Variants in BNC2 observed in about 807,000 individuals in gnomAD.
BNC2 encodes zinc finger protein basonuclin-2.
Under a neutral mutation model 76.3 loss-of-function variants are expected in BNC2, and 20 were observed. The ratio of observed to expected loss-of-function variants is 0.26; its 90% CI spans 0.18 to 0.38. BNC2 has a LOEUF of 0.38. Ranked by LOEUF, BNC2 falls within the 10% of genes least tolerant of loss-of-function variation. BNC2 has a pLI of 1.00. For missense variants in BNC2, 1,382 were observed against 1,399.8 expected, an observed-to-expected ratio of 0.99 and a Z score of 0.20; for synonymous variants, 582 against 514.8, an observed-to-expected ratio of 1.13 and a Z score of -1.77.
intron 5 of BNC2, among the ~76,000 whole-genome samples, chr9:16,442,138 G>C (rs1405264263): frequency 1.3e-5 from 2 of 152,086 alleles, no homozygotes; most frequent in African/African-American, 2.4e-5. Flanking sequence ...ACAAAATGAG[G>C]ATAATAAGAT....
chr9:16,492,660 C>T (rs184380636), intron 5 of BNC2, among the ~76,000 whole-genome samples: 18 of 151,636 alleles, frequency 1.2e-4, no homozygotes, highest in African/African-American at 4.3e-4. Context: ...TTTAGGAATA[C>T]AGGTTATGCA....
intron 3 of BNC2, among the ~76,000 whole-genome samples, chr9:16,649,403 A>G (rs1821730441): frequency 6.6e-6 from 1 of 152,220 alleles, no homozygotes; most frequent in Non-Finnish European, 1.5e-5. Flanking sequence ...AGGGAGAATC[A>G]AGTCCACTGG....
intron 5 of BNC2, among the ~76,000 whole-genome samples, chr9:16,461,782 G>C (rs1421976697): frequency 6.6e-6 from 1 of 152,248 alleles, no homozygotes; most frequent in South Asian, 2.1e-4. Context: ...CTGTGTCAGG[G>C]ACTCACAACC....
chr9:16,819,201 G>C (rs371221611), intron 1 of BNC2, among the ~76,000 whole-genome samples: 88 of 152,172 alleles, frequency 5.8e-4, no homozygotes, highest in African/African-American at 2.0e-3. Context: ...GCAAATAGTA[G>C]AGATGGTATT....
At position 16,421,810 on chromosome 9, in the gene BNC2, T is replaced by C. The variant is rs16934629; in HGVS notation, c.2640-2161A>G. Among the ~76,000 whole-genome samples the C allele has an allele frequency of 2.8e-4, 42 of 152,342 alleles. No individual in the cohort carries two copies. The East Asian group carries it at 4.8e-3, about 17-fold the overall frequency. On this transcript the variant is annotated intron_variant, in intron 6 of 6. Coordinates refer to ENST00000380672, the MANE Select transcript of BNC2 (RefSeq NM_017637.6). ...GGAAGTAGAGTTACGCTATGCGCTATTATTCTATTGATAAAACTATCTGCC... is the reference window on the plus strand; with the variant it reads ...GGAAGTAGAGTTACGCTATGCGCTACTATTCTATTGATAAAACTATCTGCC...
intron 1 of BNC2, among the ~76,000 whole-genome samples, chr9:16,835,442 T>C (rs2136052526): frequency 6.6e-6 from 1 of 152,322 alleles, no homozygotes; most frequent in African/African-American, 2.4e-5. Context: ...CTCATGCCTG[T>C]AATCCCAGCA....
intron 6 of BNC2, among the ~76,000 whole-genome samples, chr9:16,433,495 T>C (rs1384050087): frequency 1.3e-5 from 2 of 152,024 alleles, no homozygotes; most frequent in Non-Finnish European, 2.9e-5. Context: ...TAGACGCGGG[T>C]CTAAACGTAT....
At chr9:16,584,377 A>G (rs573263771) in intron 3 of BNC2, among the ~76,000 whole-genome samples, 2 of 152,232 alleles carry the variant, frequency 1.3e-5, no homozygotes, top group South Asian at 4.1e-4. Flanking sequence ...TTCACAGAGA[A>G]TAAGACTGAG....
At chr9:16,723,647 A>G (rs1419610498) in intron 3 of BNC2, among the ~76,000 whole-genome samples, 1 of 152,086 alleles carries the variant, frequency 6.6e-6, no homozygotes, top group East Asian at 1.9e-4. Context: ...GTTATTATAC[A>G]TTTCTTATAT....
At chr9:16,590,742 G>C (rs1251615988) in intron 3 of BNC2, among the ~76,000 whole-genome samples, 3 of 152,054 alleles carry the variant, frequency 2.0e-5, no homozygotes, top group Non-Finnish European at 4.4e-5. Flanking sequence ...CAGAGGTCAA[G>C]GATGCAGTAA....
chr9:16,439,312 G>A (rs901159791), intron 5 of BNC2, among the ~76,000 whole-genome samples: 2 of 151,976 alleles, frequency 1.3e-5, no homozygotes, highest in Admixed American at 1.3e-4. Flanking sequence ...CAAAATTGAG[G>A]GGCATTCTAC....
At chr9:16,739,743 G>C (rs1362551631) in intron 1 of BNC2, among the ~76,000 whole-genome samples, 1 of 152,090 alleles carries the variant, frequency 6.6e-6, no homozygotes, top group Non-Finnish European at 1.5e-5. Flanking sequence ...ACAAGATACA[G>C]AAGATACTGT....
At chr9:16,614,047 C>T (rs1462688577) in intron 3 of BNC2, among the ~76,000 whole-genome samples, 1 of 152,148 alleles carries the variant, frequency 6.6e-6, no homozygotes, top group African/African-American at 2.4e-5. Flanking sequence ...CCTAATGAAA[C>T]AAGGCTCAAA....
At chr9:16,525,812 T>C (rs1817782171) in intron 5 of BNC2, among the ~76,000 whole-genome samples, 1 of 152,192 alleles carries the variant, frequency 6.6e-6, no homozygotes, top group African/African-American at 2.4e-5. Flanking sequence ...ATATGTTGTG[T>C]TTTACATGCA....
intron 3 of BNC2, among the ~76,000 whole-genome samples, chr9:16,612,608 C>G (rs1241584232): frequency 1.3e-5 from 2 of 152,160 alleles, no homozygotes; most frequent in Admixed American, 6.6e-5. Context: ...AAACAGAATT[C>G]TAAACCCTGA....
chr9:16,818,176 G>C (rs1818228443), intron 1 of BNC2, among the ~76,000 whole-genome samples: 1 of 152,104 alleles, frequency 6.6e-6, no homozygotes, highest in South Asian at 2.1e-4. Flanking sequence ...AGGCGGAGGT[G>C]GGCAGATCAC....
At chr9:16,452,685 C>A (rs753111048) in intron 5 of BNC2, among the ~76,000 whole-genome samples, 1 of 152,198 alleles carries the variant, frequency 6.6e-6, no homozygotes, top group Non-Finnish European at 1.5e-5. Context: ...GCTGGGATCA[C>A]AGGTGTGAGC....
chr9:16,592,043 T>C (rs946883995), intron 3 of BNC2, among the ~76,000 whole-genome samples: 3 of 152,106 alleles, frequency 2.0e-5, no homozygotes, highest in Non-Finnish European at 4.4e-5. Flanking sequence ...CCAGGTACCA[T>C]TGGTTTAAAC....
At chr9:16,766,263 CA>C (rs1275713647) in intron 1 of BNC2, among the ~76,000 whole-genome samples, 3 of 152,122 alleles carry the variant, frequency 2.0e-5, no homozygotes, top group African/African-American at 7.2e-5. Context: ...TGCAACCATC[CA>C]TCACTGTTTC....
Sources: gnomAD v4.1 joint callset for allele counts (sites outside exome capture counted in the v4.1 genomes callset) on GRCh38, gnomAD v4.1.1 for gene constraint, MANE v1.5 for transcripts, NCBI Gene and HGNC (gene_info 2026-07-23, HGNC 2026-07-21) for gene names.